Variants in NF1 observed in about 807,000 individuals in gnomAD.
NF1 encodes the protein neurofibromin 1.
Under a neutral mutation model 325.7 loss-of-function variants are expected in NF1, and 122 were observed. The ratio of observed to expected loss-of-function variants is 0.37; its 90% CI spans 0.32 to 0.44. The LOEUF is 0.44. Among genes scored for constraint, NF1 ranks in the 20% least tolerant of loss-of-function variants. The probability of loss-of-function intolerance (pLI) is 1.00; values close to 1 mark genes in which losing one functional copy is unlikely to be tolerated. For missense variants in NF1, 2,140 were observed against 3,415.4 expected, an observed-to-expected ratio of 0.63 and a Z score of 9.31; for synonymous variants, 1,091 against 1,186.0, an observed-to-expected ratio of 0.92 and a Z score of 1.65.
At chr17:31,372,465 G>C (rs2070661515) in intron 57 of NF1, among the ~76,000 whole-genome samples, 1 of 152,100 alleles carries the variant, frequency 6.6e-6, no homozygotes, top group Admixed American at 6.5e-5. Flanking sequence ...TAACAGAAAA[G>C]TTCACAAATT....
At chr17:31,111,856 C>A (rs1913446022) in intron 1 of NF1, among the ~76,000 whole-genome samples, 1 of 152,048 alleles carries the variant, frequency 6.6e-6, no homozygotes, top group Non-Finnish European at 1.5e-5. Flanking sequence ...ATAGACAAGA[C>A]CTATTGCCTC....
Position 31,226,487 on chromosome 17 carries a change from C to A in NF1, c.2054C>A (p.Thr685Asn), listed in dbSNP as rs876658190. 6.2e-7 allele frequency: 1 copy of A among 1,613,896 alleles called. No homozygotes were observed. Among genetic ancestry groups the A allele is most frequent in the Non-Finnish European group, 8.5e-7 (1 of 1,179,822 alleles). ...CCCCCGATTTGCCGACAAGCCCAGA[C>A]CAAACTAGAAGTGGCCCTGTACATG... ...GTPPICRQAQTKLEVALYMFL... is the reference protein window; with the variant it reads ...GTPPICRQAQNKLEVALYMFL... Residue 685 changes from threonine to asparagine, a missense_variant, in exon 18 of 58, where the codon ACC becomes AAC. This residue lies in a region of NF1 where 380 missense variants were observed against 639.3 expected (regional missense o/e 0.59). Coordinates refer to ENST00000358273, the MANE Select transcript of NF1 (RefSeq NM_001042492.3).
intron 29 of NF1, among the ~76,000 whole-genome samples, chr17:31,239,853 C>T (rs924177767): frequency 6.6e-6 from 1 of 152,174 alleles, no homozygotes; most frequent in African/African-American, 2.4e-5. Context: ...ACCTCCGCCT[C>T]CCATGTTCAA....
At chr17:31,178,459 A>G (rs1056693536) in intron 5 of NF1, among the ~76,000 whole-genome samples, 10 of 152,234 alleles carry the variant, frequency 6.6e-5, no homozygotes, top group Non-Finnish European at 1.3e-4. Flanking sequence ...AACTGCATCA[A>G]CTAATGGGCT....
At chr17:31,300,659 A>G (rs1231484193) in intron 36 of NF1, among the ~76,000 whole-genome samples, 1 of 152,148 alleles carries the variant, frequency 6.6e-6, no homozygotes, top group African/African-American at 2.4e-5. Context: ...TCTTTGAAAA[A>G]GATTCCTAGA....
intron 36 of NF1, among the ~76,000 whole-genome samples, chr17:31,319,233 T>C (rs1489026750): frequency 6.6e-6 from 1 of 152,228 alleles, no homozygotes; most frequent in Non-Finnish European, 1.5e-5. Flanking sequence ...CACTTTTAGA[T>C]GCTAGAAGTT....
chr17:31,364,429 G>T (rs953433637), intron 57 of NF1, among the ~76,000 whole-genome samples: 6 of 152,096 alleles, frequency 3.9e-5, no homozygotes, highest in Non-Finnish European at 8.8e-5. Context: ...TGTTTAGCAG[G>T]ATCAGCTACT....
intron 20 of NF1, among the ~76,000 whole-genome samples, chr17:31,228,578 G>A (rs907878836): frequency 1.3e-5 from 2 of 151,920 alleles, no homozygotes; most frequent in African/African-American, 2.4e-5. Flanking sequence ...AAAAAACCCC[G>A]TACCCTTTAG....
intron 1 of NF1, chr17:31,137,727 A>C (rs1290743752): frequency 6.6e-6 from 1 of 152,170 alleles, no homozygotes; most frequent in Non-Finnish European, 1.5e-5. Context: ...GGAAAAAAAA[A>C]AAAGTACAAA....
At chr17:31,099,483 C>A (rs1912099303) in intron 1 of NF1, among the ~76,000 whole-genome samples, 1 of 151,892 alleles carries the variant, frequency 6.6e-6, no homozygotes, top group South Asian at 2.1e-4. Context: ...TTAAATCTTA[C>A]ATCTCTCCTT....
intron 36 of NF1, among the ~76,000 whole-genome samples, chr17:31,311,153 A>G (rs936327217): frequency 3.3e-5 from 5 of 152,024 alleles, no homozygotes; most frequent in African/African-American, 9.7e-5. Flanking sequence ...GGGTTTCACC[A>G]TGTCACCCAG....
At chr17:31,337,307 G>T in intron 42 of NF1, 61 bp from the exon 43 acceptor site, 2 of 1,331,958 alleles carry the variant, frequency 1.5e-6, no homozygotes, top group Middle Eastern at 2.5e-4. Context: ...ATGAAACATG[G>T]AACTTTAGAA....
intron 1 of NF1, chr17:31,137,823 T>TA (rs1489447218): frequency 6.6e-6 from 1 of 152,202 alleles, no homozygotes; most frequent in Non-Finnish European, 1.5e-5. Flanking sequence ...GTCTAGGTCT[T>TA]AAGTTCTAAT....
In NF1 at chr17:31,307,942, CAG is replaced by C. The variant is rs549925071; in HGVS notation, c.4836-17877_4836-17876del. On this transcript the variant is annotated intron_variant, in intron 36 of 57. Coordinates refer to ENST00000358273, the MANE Select transcript of NF1 (RefSeq NM_001042492.3). Reference sequence around the variant, plus strand: ...GCTTACTCCTCTACCACTTGGTACACAGTGATGATAAATGGCCCTGTTTTAGT... The same window carrying C: ...GCTTACTCCTCTACCACTTGGTACACTGATGATAAATGGCCCTGTTTTAGT... 2.4e-3 allele frequency: 3,148 copies of C among 1,287,316 alleles called. 76 individuals are homozygous for C. In the South Asian group the frequency reaches 0.032, roughly 13 times the overall value. 79.7% of individuals were successfully genotyped at this position (1,287,316 alleles called of 1,614,324 possible). A position where few individuals can be genotyped will look rare whatever the true frequency, so the allele number is the denominator to read the frequency against.
rs1005066263 is a variant in NF1, at chr17:31,173,897, C to A, written c.586+3900C>A. Among the ~76,000 whole-genome samples the A allele has an allele frequency of 5.3e-5, 8 of 152,114 alleles. No homozygotes were observed. The South Asian group carries it at 1.4e-3, about 28-fold the overall frequency. ...AGATGTCATAAAGGTAAAGTTGTTG[C>A]TAAAGAGCACTGTGAAGAGTAATGT... On this transcript the variant is annotated intron_variant, in intron 5 of 57. Transcript: ENST00000358273.
At chr17:31,121,111 T>C (rs1914389906) in intron 1 of NF1, among the ~76,000 whole-genome samples, 1 of 152,338 alleles carries the variant, frequency 6.6e-6, no homozygotes, top group East Asian at 1.9e-4. Flanking sequence ...TCAGCCCTTA[T>C]CCCTTAAGTC....
intron 1 of NF1, among the ~76,000 whole-genome samples, chr17:31,120,635 A>G (rs1914342678): frequency 6.6e-6 from 1 of 152,112 alleles, no homozygotes; most frequent in African/African-American, 2.4e-5. Context: ...AGAACTTCCA[A>G]TACTATGTTG....
intron 4 of NF1, 71 bp from the exon 5 acceptor site, chr17:31,169,820 A>T: frequency 9.4e-7 from 1 of 1,067,572 alleles, no homozygotes; most frequent in Non-Finnish European, 1.4e-6. Flanking sequence ...TGCTGGGATT[A>T]CAGGTGTGAG....
chr17:31,243,213 T>TGTGTGTGTGTGTGTGTGTG (rs57229549), intron 29 of NF1, among the ~76,000 whole-genome samples: 56 of 150,934 alleles, frequency 3.7e-4, no homozygotes, highest in East Asian at 7.8e-4. Flanking sequence ...TGTGTGTGTG[T>TGTGTGTGTGTGTGTGTGTG]TGAGCTGCCT....
Sources: allele counts gnomAD v4.1 joint callset (sites outside exome capture counted in the v4.1 genomes callset), GRCh38; gene constraint gnomAD v4.1.1; regional missense constraint gnomAD v4.1.1; transcripts MANE v1.5; gene names NCBI Gene and HGNC (gene_info 2026-07-23, HGNC 2026-07-21).